Variants in C3orf49 observed in about 807,000 individuals in gnomAD.
C3orf49 encodes the protein chromosome 3 open reading frame 49, also known as putative uncharacterized protein C3orf49.
A neutral mutation model predicts 13.3 loss-of-function variants in C3orf49; 27 were observed. The ratio of observed to expected loss-of-function variants is 2.02; its 90% confidence interval spans 1.49 to 2.79. The LOEUF is 2.79. Ranked by LOEUF, C3orf49 falls within the 30% of genes most tolerant of loss-of-function variation. C3orf49 has a pLI of 0.00. For synonymous variants in C3orf49, 87 were observed against 47.6 expected (o/e 1.83, Z -3.40); for missense variants, 242 against 134.2 (o/e 1.80, Z -3.97).
At chr3:63,786,285 C>A in the C3orf49 span, among the ~76,000 whole-genome samples, 1,637 of 152,128 alleles carry the variant, frequency 0.011, 35 homozygotes, top group African/African-American at 0.037. Context: ...TCCATTCAAC[C>A]AATTTCAAGT....
At chr3:63,801,769 A>G in the C3orf49 span, among the ~76,000 whole-genome samples, 1 of 152,180 alleles carries the variant, frequency 6.6e-6, no homozygotes, top group African/African-American at 2.4e-5. Flanking sequence ...CACAGGGAAG[A>G]GCATCTATGT....
At chr3:63,848,106 A>G (rs183912692) in intron 6 of C3orf49, among the ~76,000 whole-genome samples, 1 of 152,330 alleles carries the variant, frequency 6.6e-6, no homozygotes, top group East Asian at 1.9e-4. Context: ...TTACTCTGAA[A>G]TATATTTCTT....
chr3:63,783,738 AATTC>A, the C3orf49 span, among the ~76,000 whole-genome samples: 6,961 of 147,570 alleles, frequency 0.047, 301 homozygotes, highest in African/African-American at 0.11. Context: ...TAAATTAATT[AATTC>A]ATTAATTAAT....
intron 3 of C3orf49, among the ~76,000 whole-genome samples, chr3:63,830,201 A>G (rs1279742838): frequency 6.6e-6 from 1 of 152,242 alleles, no homozygotes; most frequent in African/African-American, 2.4e-5. Context: ...ACTAGATTTT[A>G]CCATAGTTGT....
At chr3:63,839,566 G>C (rs1353103641) in intron 5 of C3orf49, 3 of 1,064,060 alleles carry the variant, frequency 2.8e-6, no homozygotes, top group Non-Finnish European at 4.3e-6. Context: ...TTTAAGGTGA[G>C]TGAAAATTTG....
the C3orf49 span, among the ~76,000 whole-genome samples, chr3:63,802,299 T>G: frequency 6.6e-6 from 1 of 152,214 alleles, no homozygotes; most frequent in African/African-American, 2.4e-5. Context: ...TCGCCCTTCC[T>G]AACTAAGCTC....
At chr3:63,783,509 C>T in the C3orf49 span, among the ~76,000 whole-genome samples, 11 of 144,172 alleles carry the variant, frequency 7.6e-5, no homozygotes, top group South Asian at 2.2e-4. Flanking sequence ...AGTGAAATCC[C>T]GTCTCTACTA....
At chr3:63,789,761 A>G in the C3orf49 span, among the ~76,000 whole-genome samples, 1 of 148,006 alleles carries the variant, frequency 6.8e-6, no homozygotes, top group South Asian at 2.2e-4. Context: ...CAGTGAGCCA[A>G]GATGGCGCCA....
At chr3:63,786,069 G>A in the C3orf49 span, 9 of 152,188 alleles carry the variant, frequency 5.9e-5, no homozygotes, top group Admixed American at 6.5e-5. Context: ...GGGAAATGAA[G>A]TACTGTTTAT....
At chr3:63,792,153 C>A in the C3orf49 span, among the ~76,000 whole-genome samples, 1 of 152,200 alleles carries the variant, frequency 6.6e-6, no homozygotes, top group African/African-American at 2.4e-5. Context: ...TGACTACCAG[C>A]TACAGTATGT....
At chr3:63,791,704 C>T in the C3orf49 span, among the ~76,000 whole-genome samples, 2 of 152,156 alleles carry the variant, frequency 1.3e-5, no homozygotes, top group Non-Finnish European at 1.5e-5. Context: ...GTAATATTCA[C>T]CATGAATTGC....
rs1701419669 is a variant in C3orf49, at chr3:63,823,120, G to A, written c.126-130G>A. The A allele has an allele frequency of 7.0e-6, 4 of 575,400 alleles. No homozygotes were observed. The South Asian group carries it at 9.0e-5, about 13-fold the overall frequency. The allele number at this position is 575,400 out of a possible 1,614,324, so 35.6% of individuals were successfully genotyped here. A position where few individuals can be genotyped will look rare whatever the true frequency, so the allele number is the denominator to read the frequency against. Reference sequence around the variant, plus strand: ...TTATTTTTCTGTGATTTGATTCTTGGTCTTCAATTTCATTTTTTTTTTCTG... The same window carrying A: ...TTATTTTTCTGTGATTTGATTCTTGATCTTCAATTTCATTTTTTTTTTCTG... On this transcript the variant is annotated intron_variant, in intron 1 of 6. Transcript: ENST00000295896.
the C3orf49 span, among the ~76,000 whole-genome samples, chr3:63,800,663 C>T: frequency 6.6e-6 from 1 of 152,130 alleles, no homozygotes; most frequent in African/African-American, 2.4e-5. Flanking sequence ...GATTGAATAA[C>T]TGGCTCAAGG....
chr3:63,846,671 A>C (rs763952802), intron 6 of C3orf49, among the ~76,000 whole-genome samples: 1 of 152,058 alleles, frequency 6.6e-6, no homozygotes, highest in Non-Finnish European at 1.5e-5. Flanking sequence ...TCGGCCTCCT[A>C]AAGTGCGGGA....
chr3:63,804,085 G>A, the C3orf49 span, among the ~76,000 whole-genome samples: 1 of 152,030 alleles, frequency 6.6e-6, no homozygotes, highest in African/African-American at 2.4e-5. Context: ...GATCTGACAG[G>A]AGGCGGAGCT....
the C3orf49 span, among the ~76,000 whole-genome samples, chr3:63,808,854 T>C: frequency 1.1e-4 from 17 of 152,298 alleles, no homozygotes; most frequent in African/African-American, 3.9e-4. Context: ...GCAGACACTG[T>C]CAGTGCCCCA....
the C3orf49 span, among the ~76,000 whole-genome samples, chr3:63,802,165 C>A: frequency 6.6e-6 from 1 of 152,154 alleles, no homozygotes; most frequent in East Asian, 1.9e-4. Context: ...CTGGAGTGTA[C>A]CTTGTCTCAT....
chr3:63,803,252 T>C, the C3orf49 span, among the ~76,000 whole-genome samples: 3 of 152,330 alleles, frequency 2.0e-5, no homozygotes, highest in African/African-American at 7.2e-5. Context: ...ATTCATGTCT[T>C]TTGCCGTGTG....
chr3:63,800,963 C>G, the C3orf49 span, among the ~76,000 whole-genome samples: 1 of 152,104 alleles, frequency 6.6e-6, no homozygotes, highest in Non-Finnish European at 1.5e-5. Flanking sequence ...AGGACCTGCT[C>G]ATCTGATAAG....
Sources: allele counts gnomAD v4.1 joint callset (sites outside exome capture counted in the v4.1 genomes callset), GRCh38; gene constraint gnomAD v4.1.1; transcripts MANE v1.5; gene names NCBI Gene and HGNC (gene_info 2026-07-23, HGNC 2026-07-21).